The following EYA1 variants were observed in gnomAD, a reference collection of about 807,000 sequenced individuals.
EYA1 encodes the protein protein phosphatase EYA1.
Under a neutral mutation model 82.0 loss-of-function variants are expected in EYA1, and 16 were observed. The observed-to-expected ratio is 0.20, with a 90% CI of 0.13 to 0.30. EYA1 has a LOEUF of 0.30. EYA1 is among the 10% of genes least tolerant of loss of function. The pLI, the probability that EYA1 is intolerant of heterozygous loss-of-function variation, is 1.00. For synonymous variants in EYA1, 261 were observed against 264.4 expected (o/e 0.99, Z 0.12); for missense variants, 633 against 730.7 (o/e 0.87, Z 1.54).
At chr8:71,250,789 T>C (rs988752107) in intron 11 of EYA1, among the ~76,000 whole-genome samples, 2 of 152,136 alleles carry the variant, frequency 1.3e-5, no homozygotes, top group African/African-American at 2.4e-5. Flanking sequence ...CTCAACACAA[T>C]GCATGTCATA....
intron 7 of EYA1, among the ~76,000 whole-genome samples, chr8:71,315,324 A>G (rs1016567953): frequency 3.3e-5 from 5 of 152,262 alleles, no homozygotes; most frequent in Non-Finnish European, 7.3e-5. Context: ...CAGTTTCTGT[A>G]CTTAGCTTTA....
intron 2 of EYA1, among the ~76,000 whole-genome samples, chr8:71,518,811 C>T (rs1048757184): frequency 2.6e-5 from 4 of 151,952 alleles, no homozygotes; most frequent in African/African-American, 9.7e-5. Context: ...ATGTTTGTGG[C>T]CTTGTTAGTA....
chr8:71,250,130 T>C (rs541955784), intron 11 of EYA1, among the ~76,000 whole-genome samples: 3 of 152,272 alleles, frequency 2.0e-5, no homozygotes, highest in South Asian at 4.1e-4. Flanking sequence ...ACTATCTTCA[T>C]TCCAGCCTCT....
At chr8:71,202,100 A>C (rs1807104021) in intron 17 of EYA1, among the ~76,000 whole-genome samples, 1 of 152,220 alleles carries the variant, frequency 6.6e-6, no homozygotes, top group Non-Finnish European at 1.5e-5. Flanking sequence ...GGTTCAGTCA[A>C]ATTCTTTTGC....
At chr8:71,229,532 C>A (rs1157568793) in intron 12 of EYA1, among the ~76,000 whole-genome samples, 1 of 152,132 alleles carries the variant, frequency 6.6e-6, no homozygotes, top group African/African-American at 2.4e-5. Context: ...ATATCATGGA[C>A]TGAAACCTTC....
chr8:71,533,989 C>A (rs916471718), intron 2 of EYA1, among the ~76,000 whole-genome samples: 10 of 152,160 alleles, frequency 6.6e-5, no homozygotes, highest in African/African-American at 2.4e-4. Context: ...AAAATAAATT[C>A]TTTTAATCTT....
At chr8:71,529,282 C>T (rs2129280985) in intron 2 of EYA1, 1 of 152,270 alleles carries the variant, frequency 6.6e-6, no homozygotes, top group South Asian at 2.1e-4. Context: ...CTAGGCCTTA[C>T]TGCTTCATGC....
intron 2 of EYA1, among the ~76,000 whole-genome samples, chr8:71,428,208 G>A (rs1028706312): frequency 1.3e-5 from 2 of 152,156 alleles, no homozygotes; most frequent in East Asian, 3.9e-4. Context: ...GTTCGGGGGA[G>A]AAGTTATGAA....
At chr8:71,309,112 AAT>A (rs1821053077) in intron 7 of EYA1, among the ~76,000 whole-genome samples, 1 of 152,202 alleles carries the variant, frequency 6.6e-6, no homozygotes, top group Admixed American at 6.5e-5. Context: ...TTGTCCCAGT[AAT>A]AGTTTTTATT....
At chr8:71,524,142 C>A (rs1813641369) in intron 2 of EYA1, among the ~76,000 whole-genome samples, 1 of 152,176 alleles carries the variant, frequency 6.6e-6, no homozygotes. Context: ...GTGGTCAATG[C>A]AGGCATACTA....
rs546945532 is a variant in EYA1, at chr8:71,376,627, GA to G, written c.34-20117del. On this transcript the variant is annotated intron_variant, in intron 2 of 18. Coordinates refer to the EYA1 transcript ENST00000643681. ...TGTGGTCAGATTTAGGGTATATTTGGAATTAGAGTCAATAGGAGTTGTAAAT... is the reference window on the plus strand; with the variant it reads ...TGTGGTCAGATTTAGGGTATATTTGGATTAGAGTCAATAGGAGTTGTAAAT... Among the ~76,000 whole-genome samples the G allele has an allele frequency of 1.1e-3, 171 of 152,210 alleles. 1 individual carries two copies. The highest frequency in any genetic ancestry group is 3.8e-3 in the African/African-American group (157 of 41,528).
At chr8:71,433,745 G>T (rs1222415352) in intron 2 of EYA1, among the ~76,000 whole-genome samples, 5 of 152,190 alleles carry the variant, frequency 3.3e-5, no homozygotes, top group African/African-American at 7.2e-5. Flanking sequence ...GAGCCAAGAG[G>T]AGGAGGTGAC....
Position 71,434,154 on chromosome 8 carries a change from G to A in EYA1, c.34-77643C>T, listed in dbSNP as rs139959972. On this transcript the variant is annotated intron_variant, in intron 2 of 18. Coordinates refer to the EYA1 transcript ENST00000643681. ...TCTGAAGGATGAAGTTATTACTAAA[G>A]GTATATTTAAATATTTACATGCTGG... 4.6e-5 allele frequency among the ~76,000 whole-genome samples: 7 copies of A among 152,194 alleles called. No homozygotes were observed. The East Asian group carries it at 1.4e-3, about 29-fold the overall frequency.
At chr8:71,415,422 C>T (rs1211505377) in intron 2 of EYA1, among the ~76,000 whole-genome samples, 1 of 152,152 alleles carries the variant, frequency 6.6e-6, no homozygotes, top group Admixed American at 6.5e-5. Flanking sequence ...TTACAGGTTC[C>T]CACTTTTAGG....
intron 2 of EYA1, among the ~76,000 whole-genome samples, chr8:71,457,673 A>G (rs1808051918): frequency 6.6e-6 from 1 of 152,166 alleles, no homozygotes; most frequent in Non-Finnish European, 1.5e-5. Context: ...AAAAAACCAA[A>G]CACCGCATGT....
intron 1 of EYA1, among the ~76,000 whole-genome samples, chr8:71,359,127 G>A (rs1204231992): frequency 6.6e-6 from 1 of 152,108 alleles, no homozygotes; most frequent in Non-Finnish European, 1.5e-5. Context: ...TGACAGAGTT[G>A]TGAAAATACA....
chr8:71,428,405 C>T (rs1260470056), intron 2 of EYA1, among the ~76,000 whole-genome samples: 1 of 152,224 alleles, frequency 6.6e-6, no homozygotes, highest in East Asian at 1.9e-4. Context: ...AAAACAATCT[C>T]ATGAGTTTAA....
At chr8:71,316,535 T>C (rs553548864) in intron 7 of EYA1, among the ~76,000 whole-genome samples, 1 of 152,312 alleles carries the variant, frequency 6.6e-6, no homozygotes, top group South Asian at 2.1e-4. Flanking sequence ...AATGAGCCCA[T>C]GCTGTATATC....
chr8:71,283,958 G>A (rs1346031783), intron 9 of EYA1, among the ~76,000 whole-genome samples: 1 of 152,214 alleles, frequency 6.6e-6, no homozygotes, highest in East Asian at 1.9e-4. Flanking sequence ...CTGCCAGCTA[G>A]GCTGTACCAA....
Sources: allele counts gnomAD v4.1 joint callset (sites outside exome capture counted in the v4.1 genomes callset), GRCh38; gene constraint gnomAD v4.1.1; transcripts MANE v1.5; gene names NCBI Gene and HGNC (gene_info 2026-07-23, HGNC 2026-07-21).